ALOX12: variants seen among roughly 807,000 people sequenced by gnomAD.
ALOX12 encodes arachidonate 12-lipoxygenase, 12S type, also known as polyunsaturated fatty acid lipoxygenase ALOX12.
ALOX12 carries 62 observed loss-of-function variants against 85.5 expected under a neutral mutation model. That is an observed-to-expected ratio of 0.73 (90% confidence interval 0.59 to 0.90). The LOEUF (loss-of-function observed/expected upper bound fraction) is 0.90. Among genes scored for constraint, ALOX12 ranks in the 40% least tolerant of loss-of-function variants. ALOX12 has a pLI of 0.00. For missense variants in ALOX12, 751 were observed against 856.5 expected (o/e 0.88, Z 1.54); for synonymous variants, 299 against 332.7 (o/e 0.90, Z 1.10).
At chr17:7,008,418 T>A (rs1480638069) in intron 11 of ALOX12, among the ~76,000 whole-genome samples, 2 of 152,206 alleles carry the variant, frequency 1.3e-5, no homozygotes, top group Non-Finnish European at 1.5e-5. Flanking sequence ...TTATTCTCTA[T>A]GGGCTTTGAT....
rs138636693 is a variant in ALOX12 at position 7,007,167 on chromosome 17, C to A, written c.1540+560C>A. ...CAAACCCAAACTCAGCACCCTGATC[C>A]TTGGGGCTCAGGTTTCTTTGGCTAA... On this transcript the variant is annotated intron_variant, in intron 11 of 13. Coordinates refer to ENST00000251535, the MANE Select transcript of ALOX12 (RefSeq NM_000697.3). Among the ~76,000 whole-genome samples, 343 of 152,336 alleles carry A rather than the reference C, an allele frequency of 2.3e-3. 4 individuals carry two copies. Among genetic ancestry groups the A allele is most frequent in the African/African-American group, 8.2e-3 (341 of 41,576 alleles).
chr17:6,999,527 G>C, intron 6 of ALOX12, 61 bp downstream of exon 6: 1 of 1,569,752 alleles, frequency 6.4e-7, no homozygotes, highest in Non-Finnish European at 8.7e-7. Context: ...AGAACGGACA[G>C]AGAGAATCCA....
intron 10 of ALOX12, 33 bp downstream of exon 10, chr17:7,006,060 C>CTGGGG (rs746409079): frequency 3.3e-5 from 3 of 91,234 alleles, no homozygotes; most frequent in African/African-American, 3.1e-4. Flanking sequence ...ATGGTGGGGC[C>CTGGGG]GGGGGGGGGG....
At position 7,005,919 on chromosome 17, in the gene ALOX12, CCTA is replaced by C. The variant is rs1236990976; in HGVS notation, c.1313_1315del (p.Tyr438del). The C allele has an allele frequency of 6.2e-6, 10 of 1,613,574 alleles. No homozygotes were observed. Among genetic ancestry groups the C allele is most frequent in the Non-Finnish European group, 8.5e-6 (10 of 1,179,938 alleles). On this transcript the variant is annotated inframe_deletion, in exon 10 of 14. Coordinates refer to ENST00000251535, the MANE Select transcript of ALOX12 (RefSeq NM_000697.3). ...CTCCGTCGGGCGGCAGCTCAGCTGA[CCTA>C]CTGCTCCCTCTGTCCTCCTGACGAC...
intron 10 of ALOX12, among the ~76,000 whole-genome samples, chr17:7,006,235 G>T (rs747389711): frequency 6.6e-5 from 10 of 151,566 alleles, no homozygotes; most frequent in Admixed American, 2.6e-4. Flanking sequence ...GGGGAGCTGT[G>T]GGGGGAGACT....
chr17:6,998,651 C>CCCCTGCCCCTGG, intron 3 of ALOX12, 61 bp downstream of exon 3: 1 of 1,568,024 alleles, frequency 6.4e-7, no homozygotes. Flanking sequence ...CCTGCCCCTG[C>CCCCTGCCCCTGG]CCCTGCCCCT....
intron 6 of ALOX12, among the ~76,000 whole-genome samples, chr17:6,999,950 G>C (rs1009507640): frequency 1.3e-5 from 2 of 152,212 alleles, no homozygotes; most frequent in Non-Finnish European, 2.9e-5. Flanking sequence ...CAGAGGATGT[G>C]AGATTTGAAT....
chr17:7,005,737 C>A (rs1909010284), intron 9 of ALOX12, 121 bp from the exon 10 acceptor site: 3 of 1,106,908 alleles, frequency 2.7e-6, no homozygotes, highest in Non-Finnish European at 3.8e-6. Context: ...CCTCAGCCTC[C>A]CAAAGTGCTG....
At chr17:6,999,087 C>T (rs376523815) in intron 5 of ALOX12, 31 bp downstream of exon 5, 3 of 1,594,584 alleles carry the variant, frequency 1.9e-6, no homozygotes, top group Non-Finnish European at 2.6e-6. Flanking sequence ...TCCATAATCC[C>T]TTAATGGCCC....
intron 9 of ALOX12, 75 bp from the exon 10 acceptor site, chr17:7,005,783 T>C: frequency 6.6e-7 from 1 of 1,514,236 alleles, no homozygotes. Context: ...ATCCCACATT[T>C]GCCCCACTTT....
chr17:6,998,773 C>G lies in ALOX12; in HGVS notation c.478C>G (p.Leu160Val). 6.2e-7 allele frequency: 1 copy of G among 1,614,146 alleles called. No individual in the cohort carries two copies. The highest frequency in any genetic ancestry group is 8.5e-7 in the Non-Finnish European group (1 of 1,180,036). Reference sequence around the variant, plus strand: ...CATCGCTGCAGACCGTAAGGATGATCTACCTCCAAATATGAGATTCCATGA... The same window carrying G: ...CATCGCTGCAGACCGTAAGGATGATGTACCTCCAAATATGAGATTCCATGA... Reference protein sequence around the residue: ...LTIAADRKDDLPPNMRFHEEK... With the variant: ...LTIAADRKDDVPPNMRFHEEK... Residue 160 changes from leucine to valine, a missense_variant, in exon 4 of 14, where the codon CTA becomes GTA. Leu to Val is a conservative substitution (Grantham distance 32, BLOSUM62 1). Transcript: ENST00000251535.
intron 8 of ALOX12, among the ~76,000 whole-genome samples, chr17:7,003,878 A>C (rs769589243): frequency 3.9e-5 from 6 of 152,122 alleles, no homozygotes; most frequent in Non-Finnish European, 7.4e-5. Context: ...TCTTAACACC[A>C]AAGGTGTCAT....
intron 8 of ALOX12, chr17:7,002,557 G>T (rs544919617): frequency 8.5e-6 from 4 of 468,310 alleles, no homozygotes; most frequent in East Asian, 7.0e-5. Context: ...GGTGGCCAAA[G>T]CAGTATGATT....
rs946336605 is a variant in ALOX12, at chr17:7,005,878, G to T, written c.1269G>T (p.Gly423=). ...CCCAGGCAGTGAGCACAGGTGGAGG[G>T]GGCCATGTACAGTTGCTCCGTCGGG... is the stretch of plus-strand genomic sequence containing the variant. ...IFDKAVSTGG[G]GHVQLLRRAA... Residue 423 remains glycine, a synonymous_variant, in exon 10 of 14, where the codon GGG becomes GGT. Coordinates refer to ENST00000251535, the MANE Select transcript of ALOX12 (RefSeq NM_000697.3). 6.2e-7 allele frequency: 1 copy of T among 1,612,666 alleles called. No homozygotes were observed. Among genetic ancestry groups the T allele is most frequent in the African/African-American group, 1.3e-5 (1 of 74,842 alleles).
rs1045852002 is a variant in ALOX12, at chr17:7,000,958, T to TC, written c.951+479_951+480insC. Among the ~76,000 whole-genome samples the TC allele has an allele frequency of 1.3e-5, 2 of 151,754 alleles. No individual in the cohort carries two copies. The highest frequency in any genetic ancestry group is 2.4e-5 in the African/African-American group (1 of 41,256). On this transcript the variant is annotated intron_variant, in intron 7 of 13. Coordinates refer to ENST00000251535, the MANE Select transcript of ALOX12 (RefSeq NM_000697.3). The surrounding 1 kb of genome is among the most constrained non-coding windows in gnomAD (Gnocchi z 4.6). ...ATATCTTTTCTCGCAATTTCTTTTT[T>TC]TTTTTTGAGACAGAATCTCACTGTG... is the stretch of plus-strand genomic sequence containing the variant.
chr17:7,004,217 A>ATTAATTTAATTTAATATTAATTTAAC (rs1278273673), intron 8 of ALOX12, among the ~76,000 whole-genome samples: 13 of 116,466 alleles, frequency 1.1e-4, no homozygotes, highest in African/African-American at 3.6e-4. Flanking sequence ...TTAATATTAA[A>ATTAATTTAATTTAATATTAATTTAAC]TTAATTTAAT....
At position 7,009,742 on chromosome 17, in the gene ALOX12, C is replaced by CG; in HGVS notation, c.1541-5_1541-4insG. The CG allele has an allele frequency of 6.2e-7, 1 of 1,613,334 alleles. No homozygotes were observed. The highest frequency in any genetic ancestry group is 8.5e-7 in the Non-Finnish European group (1 of 1,179,220). ...GCTTCTAACTGCTATTCCTTTCCTG[C>CG]CCAGGTTTCCCTGTCTCCTTCCAGT... is the stretch of plus-strand genomic sequence containing the variant. On this transcript the variant is annotated splice_polypyrimidine_tract_variant and splice_region_variant and intron_variant, in intron 11 of 13. Transcript: ENST00000251535.
At chr17:7,004,333 A>G (rs1215368436) in intron 8 of ALOX12, among the ~76,000 whole-genome samples, 1 of 5,116 alleles carries the variant, frequency 2.0e-4, no homozygotes, top group Non-Finnish European at 7.5e-4. Context: ...TTAATTTAAT[A>G]TTAAATTAAA....
chr17:7,001,451 C>T (rs1908706001), intron 7 of ALOX12, 151 bp from the exon 8 acceptor site: 11 of 788,156 alleles, frequency 1.4e-5, no homozygotes, highest in Middle Eastern at 3.8e-4. Flanking sequence ...CTCCAGCTAG[C>T]GAGCGGCAGG....
Sources: allele counts gnomAD v4.1 joint callset (sites outside exome capture counted in the v4.1 genomes callset), GRCh38; gene constraint gnomAD v4.1.1; non-coding constraint Gnocchi (gnomAD v3.1); transcripts MANE v1.5; gene names NCBI Gene and HGNC (gene_info 2026-07-23, HGNC 2026-07-21).